The following ZNF541 variants were observed in gnomAD, a reference collection of about 807,000 sequenced individuals.
The protein encoded by ZNF541 is zinc finger protein 541.
ZNF541 carries 23 observed loss-of-function variants against 123.5 expected under a neutral mutation model. That is an observed-to-expected ratio of 0.19 (90% CI 0.13 to 0.26). The LOEUF is 0.26. ZNF541 is among the 10% of genes least tolerant of loss of function. The pLI, the probability that ZNF541 is intolerant of heterozygous loss-of-function variation, is 1.00. For missense variants in ZNF541, 1,612 were observed against 1,789.9 expected (o/e 0.90, Z 1.79); for synonymous variants, 751 against 754.5 (o/e 1.00, Z 0.08).
At chr19:47,565,349 C>T (rs1201759445) in intron 2 of ZNF541, among the ~76,000 whole-genome samples, 3 of 152,228 alleles carry the variant, frequency 2.0e-5, no homozygotes, top group South Asian at 2.1e-4. Context: ...AAACCCAGTA[C>T]ATCTGGATCA....
chr19:47,556,237 T>G (rs935849621), intron 2 of ZNF541, among the ~76,000 whole-genome samples: 7 of 152,186 alleles, frequency 4.6e-5, no homozygotes, highest in Admixed American at 3.9e-4. Flanking sequence ...AACATATACA[T>G]GTATGACAAA....
intron 8 of ZNF541, 48 bp downstream of exon 8, chr19:47,539,657 A>T (rs1419263510): frequency 1.5e-6 from 2 of 1,375,440 alleles, no homozygotes; most frequent in East Asian, 6.2e-5. Flanking sequence ...GGCTTCCCCC[A>T]GCAGCTGCGG....
At position 47,521,160 on chromosome 19, in the gene ZNF541, C is replaced by T; in HGVS notation, c.*64G>A. ...GAGGCAGAGGGGTGCCCCAAACGCC[C>T]TGGAGAGGCCGAAGGGAGGAGGGGC... On this transcript the variant is annotated 3_prime_UTR_variant, in exon 17 of 17. Coordinates refer to ENST00000391901, the MANE Select transcript of ZNF541 (RefSeq NM_001277075.3). The surrounding 1 kb of genome is among the most constrained non-coding windows in gnomAD (Gnocchi z 4.2). The T allele has an allele frequency of 2.6e-6, 4 of 1,519,076 alleles. No homozygotes were observed. In the South Asian group the frequency reaches 3.7e-5, roughly 14 times the overall value. 94.1% of individuals were successfully genotyped at this position (1,519,076 alleles called of 1,614,324 possible).
intron 2 of ZNF541, among the ~76,000 whole-genome samples, chr19:47,561,140 AT>A (rs1971045493): frequency 6.6e-6 from 1 of 152,210 alleles, no homozygotes; most frequent in South Asian, 2.1e-4. Flanking sequence ...CATACCTGAC[AT>A]TATACCATAG....
At chr19:47,568,267 T>C (rs984546595) in intron 2 of ZNF541, among the ~76,000 whole-genome samples, 1 of 152,162 alleles carries the variant, frequency 6.6e-6, no homozygotes, top group African/African-American at 2.4e-5. Flanking sequence ...GGTCATCAAG[T>C]CTGAGTAACA....
In ZNF541 at chr19:47,544,153, G is replaced by A. The variant is rs1970200050; in HGVS notation, c.2376C>T (p.Ser792=). The change falls in exon 5 of 17, where the codon TCC becomes TCT. Residue 792 remains serine, a synonymous_variant. Coordinates refer to ENST00000391901, the MANE Select transcript of ZNF541 (RefSeq NM_001277075.3). ...GGATTCTGCTGAATATTGTCAGCTT[G>A]GACTTGGAGGGATCTGCCGGGGGCC... is the stretch of plus-strand genomic sequence containing the variant. ...SAGPPADPSK[S]KLTIFSRIQG... is the part of the protein sequence containing the mutation. 1 of 1,550,620 alleles carries A rather than the reference G, an allele frequency of 6.4e-7. No individual in the cohort carries two copies. The highest frequency in any genetic ancestry group is 1.4e-5 in the African/African-American group (1 of 73,024).
At chr19:47,552,781 A>G (rs955287492) in intron 3 of ZNF541, among the ~76,000 whole-genome samples, 1 of 147,694 alleles carries the variant, frequency 6.8e-6, no homozygotes, top group Admixed American at 6.7e-5. Context: ...AGCCTATTAA[A>G]GCAACTATAA....
In ZNF541 at chr19:47,531,242, G is replaced by C. The variant is rs924876569; in HGVS notation, c.3405+400C>G. On this transcript the variant is annotated intron_variant, in intron 12 of 16. Coordinates refer to ENST00000391901, the MANE Select transcript of ZNF541 (RefSeq NM_001277075.3). ...ACCCAGAATTGTGAGCGGGGGGGGG[G>C]GGGGGGGTCCTTGGAGTAGGTAGAG... 1.1e-4 allele frequency among the ~76,000 whole-genome samples: 16 copies of C among 147,084 alleles called. 1 individual carries two copies. In the South Asian group the frequency reaches 1.3e-3, roughly 12 times the overall value.
At chr19:47,560,831 T>C (rs933075107) in intron 2 of ZNF541, among the ~76,000 whole-genome samples, 2 of 151,972 alleles carry the variant, frequency 1.3e-5, no homozygotes, top group Admixed American at 1.3e-4. Flanking sequence ...CCTCAATAGG[T>C]GAATGGATCA....
At chr19:47,532,328 T>C in intron 10 of ZNF541, 58 bp from the exon 11 acceptor site, 1 of 1,536,512 alleles carries the variant, frequency 6.5e-7, no homozygotes, top group African/African-American at 1.4e-5. Context: ...AGATGGGAAG[T>C]GAAATGGAGA....
chr19:47,562,398 G>T (rs1241513633), intron 2 of ZNF541, among the ~76,000 whole-genome samples: 1 of 151,796 alleles, frequency 6.6e-6, no homozygotes, highest in Non-Finnish European at 1.5e-5. Context: ...ACAAAAATTA[G>T]CTGGGCGTGG....
chr19:47,527,460 A>G (rs762313595), intron 14 of ZNF541, among the ~76,000 whole-genome samples: 5 of 151,980 alleles, frequency 3.3e-5, no homozygotes, highest in East Asian at 1.9e-4. Flanking sequence ...CAGTGGTGCA[A>G]TCTTGGCTCA....
At chr19:47,551,111 C>T (rs12461591) in intron 3 of ZNF541, among the ~76,000 whole-genome samples, 17,232 of 146,976 alleles carry the variant, frequency 0.12, 1,138 homozygotes, top group East Asian at 0.21. Context: ...AGGGCAGTGG[C>T]GCAATCTCGG....
chr19:47,560,700 ACTAC>A (rs1971026404), intron 2 of ZNF541, among the ~76,000 whole-genome samples: 1 of 152,146 alleles, frequency 6.6e-6, no homozygotes, highest in African/African-American at 2.4e-5. Flanking sequence ...CAATCCAGCA[ACTAC>A]ACTCTTAGGC....
At chr19:47,569,255 A>G (rs1971385254) in intron 2 of ZNF541, among the ~76,000 whole-genome samples, 1 of 152,014 alleles carries the variant, frequency 6.6e-6, no homozygotes, top group Non-Finnish European at 1.5e-5. Flanking sequence ...TCATTGTAAT[A>G]ATAATAATAA....
intron 14 of ZNF541, among the ~76,000 whole-genome samples, chr19:47,525,740 C>T (rs995340149): frequency 2.0e-5 from 3 of 151,826 alleles, no homozygotes; most frequent in Admixed American, 1.3e-4. Context: ...GGTGAAACCC[C>T]GTCTCTACTA....
intron 3 of ZNF541, 118 bp downstream of exon 3, chr19:47,555,432 T>A: frequency 1.1e-6 from 1 of 879,292 alleles, no homozygotes; most frequent in Non-Finnish European, 1.7e-6. Context: ...GACTGTTCCC[T>A]AAGTCACCTG....
chr19:47,539,605 A>T (rs1375882953), intron 8 of ZNF541, 100 bp downstream of exon 8: 1 of 1,271,330 alleles, frequency 7.9e-7, no homozygotes, highest in Admixed American at 4.1e-5. Context: ...TCCAGCCTGG[A>T]GTCAAAGATT....
In ZNF541 at chr19:47,539,714, G is replaced by A; in HGVS notation, c.2787C>T (p.Ser929=). The change falls in exon 8 of 17, where the codon AGC becomes AGT. Residue 929 remains serine, a synonymous_variant. Transcript: ENST00000391901. ...GCCGACAAGCACCCACCATGGCCAT[G>A]CTCCCTATGTGTCGGGTCACTGGAA... is the stretch of plus-strand genomic sequence containing the variant. The part of the protein sequence containing the change: ...PVVPVTRHIG[S]MAMGQEKDGE... 2.1e-6 allele frequency: 3 copies of A among 1,420,358 alleles called. No individual in the cohort carries two copies. The highest frequency in any genetic ancestry group is 9.2e-7 in the Non-Finnish European group (1 of 1,089,744). The allele number at this position is 1,420,358 out of a possible 1,614,324, so 88.0% of individuals were successfully genotyped here. A position where few individuals can be genotyped will look rare whatever the true frequency, so the allele number is the denominator to read the frequency against.
Sources: allele counts gnomAD v4.1 joint callset (sites outside exome capture counted in the v4.1 genomes callset), GRCh38; gene constraint gnomAD v4.1.1; non-coding constraint Gnocchi (gnomAD v3.1); transcripts MANE v1.5; gene names NCBI Gene and HGNC (gene_info 2026-07-23, HGNC 2026-07-21).